MSRA: variants seen among roughly 807,000 people sequenced by gnomAD.
MSRA encodes methionine sulfoxide reductase A, also known as mitochondrial peptide methionine sulfoxide reductase.
MSRA carries 54 observed loss-of-function variants against 31.3 expected under a neutral mutation model. The observed-to-expected ratio is 1.73, with a 90% confidence interval of 1.39 to 2.17. The LOEUF (loss-of-function observed/expected upper bound fraction) is 2.17, where lower values mean the gene tolerates loss of function less well. MSRA is among the 30% of genes most tolerant of loss of function. MSRA has a pLI of 0.00. For missense variants in MSRA, 507 were observed against 300.9 expected (o/e 1.69, Z -5.07); for synonymous variants, 169 against 116.5 (o/e 1.45, Z -2.90).
chr8:10,305,795 C>G lies in MSRA; in HGVS notation c.436+4157C>G, dbSNP rs532197808. On this transcript the variant is annotated intron_variant, in intron 4 of 5. Transcript: ENST00000317173. ...TAGGCTTTTTAAGGTATAGGTGAGG[C>G]CCGAGACCTGTTATTCCACAGCCAC... Among the ~76,000 whole-genome samples the G allele has an allele frequency of 7.2e-4, 110 of 152,200 alleles. 1 individual carries two copies. Among genetic ancestry groups the G allele is most frequent in the African/African-American group, 2.6e-3 (108 of 41,520 alleles).
intron 1 of MSRA, among the ~76,000 whole-genome samples, chr8:10,141,718 C>CTT (rs773026493): frequency 6.6e-4 from 95 of 144,542 alleles, no homozygotes; most frequent in African/African-American, 2.4e-3. Flanking sequence ...CAAATGCCTG[C>CTT]TTTTTTTTTT....
At chr8:10,262,950 T>C (rs1163279272) in intron 3 of MSRA, among the ~76,000 whole-genome samples, 3 of 152,196 alleles carry the variant, frequency 2.0e-5, no homozygotes, top group Admixed American at 2.0e-4. Flanking sequence ...CTGATGACTT[T>C]AGTAGCTGAC....
intron 1 of MSRA, among the ~76,000 whole-genome samples, chr8:10,098,203 A>T (rs534800441): frequency 3.4e-4 from 52 of 152,288 alleles, no homozygotes; most frequent in African/African-American, 1.3e-3. Flanking sequence ...ATTTTAAAGT[A>T]TATAAATACT....
At chr8:10,333,807 C>CCA (rs1035398261) in intron 5 of MSRA, among the ~76,000 whole-genome samples, 3 of 151,948 alleles carry the variant, frequency 2.0e-5, no homozygotes, top group African/African-American at 7.3e-5. Context: ...CTTCTCCACC[C>CCA]CACCCCCCCC....
At chr8:10,331,564 G>A (rs1212970948) in intron 5 of MSRA, among the ~76,000 whole-genome samples, 1 of 152,124 alleles carries the variant, frequency 6.6e-6, no homozygotes, top group Non-Finnish European at 1.5e-5. Context: ...TAAATGTAGA[G>A]AGCTAGAGTC....
chr8:10,367,400 G>A (rs577044193), intron 5 of MSRA, among the ~76,000 whole-genome samples: 2 of 152,118 alleles, frequency 1.3e-5, no homozygotes, highest in African/African-American at 2.4e-5. Flanking sequence ...GTATGTATAC[G>A]AAAAAATATA....
chr8:10,215,719 G>C (rs1035624111), intron 2 of MSRA, among the ~76,000 whole-genome samples: 2 of 152,178 alleles, frequency 1.3e-5, no homozygotes, highest in Non-Finnish European at 2.9e-5. Flanking sequence ...TTGCTTCTGT[G>C]TCAATACAGA....
intron 3 of MSRA, among the ~76,000 whole-genome samples, chr8:10,248,191 A>T (rs532109748): frequency 6.6e-6 from 1 of 152,234 alleles, no homozygotes; most frequent in African/African-American, 2.4e-5. Context: ...TCTGCTTGCA[A>T]TTAAGTTTGT....
chr8:10,355,384 A>G (rs1233479274), intron 5 of MSRA, among the ~76,000 whole-genome samples: 1 of 152,222 alleles, frequency 6.6e-6, no homozygotes, highest in Non-Finnish European at 1.5e-5. Flanking sequence ...GTAGGCCATC[A>G]CTTCTTTGAT....
chr8:10,095,392 C>CTGT (rs1429705644), intron 1 of MSRA, among the ~76,000 whole-genome samples: 1 of 152,184 alleles, frequency 6.6e-6, no homozygotes, highest in Non-Finnish European at 1.5e-5. Flanking sequence ...GAAGTCGATG[C>CTGT]TGTTGGTGCC....
intron 1 of MSRA, among the ~76,000 whole-genome samples, chr8:10,152,643 TC>T (rs1411732629): frequency 1.3e-5 from 2 of 152,146 alleles, no homozygotes; most frequent in African/African-American, 4.8e-5. Flanking sequence ...GTACTTTTTT[TC>T]CCCCAAAAAA....
chr8:10,165,480 C>G (rs1345848014), intron 1 of MSRA, among the ~76,000 whole-genome samples: 1 of 152,230 alleles, frequency 6.6e-6, no homozygotes, highest in Non-Finnish European at 1.5e-5. Context: ...GGCTTCCTGA[C>G]AAATGGAGAC....
chr8:10,236,541 T>A (rs1033330381), intron 2 of MSRA, among the ~76,000 whole-genome samples: 2 of 152,148 alleles, frequency 1.3e-5, no homozygotes, highest in Non-Finnish European at 2.9e-5. Context: ...GTAATACAAA[T>A]ATTTAAGATC....
chr8:10,321,317 T>C (rs1456008458), intron 5 of MSRA, among the ~76,000 whole-genome samples: 3 of 152,152 alleles, frequency 2.0e-5, no homozygotes, highest in Non-Finnish European at 4.4e-5. Flanking sequence ...AAGTCAGGTA[T>C]GCAACAGCCC....
intron 2 of MSRA, among the ~76,000 whole-genome samples, chr8:10,228,129 A>T (rs1374275328): frequency 6.6e-6 from 1 of 152,022 alleles, no homozygotes; most frequent in Non-Finnish European, 1.5e-5. Flanking sequence ...TCTCTCGTCC[A>T]CTGAGCTACC....
chr8:10,278,692 G>C (rs1292206827), intron 3 of MSRA, among the ~76,000 whole-genome samples: 2 of 152,184 alleles, frequency 1.3e-5, no homozygotes, highest in Non-Finnish European at 2.9e-5. Context: ...AGAGATGAGA[G>C]ATAGAGCTCT....
intron 5 of MSRA, among the ~76,000 whole-genome samples, chr8:10,393,949 A>G (rs1005089035): frequency 6.6e-6 from 1 of 152,222 alleles, no homozygotes; most frequent in Non-Finnish European, 1.5e-5. Flanking sequence ...TGGTGATCAC[A>G]CAGCCATCCC....
intron 3 of MSRA, among the ~76,000 whole-genome samples, chr8:10,249,829 T>C (rs534694008): frequency 6.6e-6 from 1 of 152,326 alleles, no homozygotes; most frequent in African/African-American, 2.4e-5. Context: ...CATTTCTGTT[T>C]CCTACAAGCT....
At chr8:10,384,000 G>A (rs1224230004) in intron 5 of MSRA, among the ~76,000 whole-genome samples, 1 of 152,134 alleles carries the variant, frequency 6.6e-6, no homozygotes, top group Non-Finnish European at 1.5e-5. Flanking sequence ...TCTGATGCCT[G>A]CAGAGCTGAG....
Sources: allele counts gnomAD v4.1 joint callset (sites outside exome capture counted in the v4.1 genomes callset), GRCh38; gene constraint gnomAD v4.1.1; transcripts MANE v1.5; gene names NCBI Gene and HGNC (gene_info 2026-07-23, HGNC 2026-07-21).